The following FAM107A variants were observed in gnomAD, a reference collection of about 807,000 sequenced individuals.
The protein encoded by FAM107A is actin-associated protein FAM107A.
A neutral mutation model predicts 13.7 loss-of-function variants in FAM107A; 19 were observed. The ratio of observed to expected loss-of-function variants is 1.38; its 90% CI spans 0.97 to 2.03. The LOEUF (loss-of-function observed/expected upper bound fraction) is 2.03, where lower values mean the gene tolerates loss of function less well. FAM107A is among the 30% of genes most tolerant of loss of function. The pLI, the probability that FAM107A is intolerant of heterozygous loss-of-function variation, is 0.00. For synonymous variants in FAM107A, 82 were observed against 74.5 expected (o/e 1.10, Z -0.52); for missense variants, 203 against 184.4 (o/e 1.10, Z -0.58).
At chr3:58,602,550 T>C (rs866008921) in intron 1 of FAM107A, among the ~76,000 whole-genome samples, 5 of 152,238 alleles carry the variant, frequency 3.3e-5, no homozygotes, top group South Asian at 2.1e-4. Flanking sequence ...ATCGGCAATA[T>C]GGTAAACGTC....
exon 1 of FAM107A, chr3:58,587,081 G>T: frequency 7.3e-7 from 1 of 1,364,196 alleles, no homozygotes; most frequent in Non-Finnish European, 9.4e-7. Flanking sequence ...GGCGGCGGCC[G>T]GAGGGGCGGG....
At chr3:58,608,777 T>C (rs896135566) in intron 1 of FAM107A, 2 of 152,272 alleles carry the variant, frequency 1.3e-5, no homozygotes, top group African/African-American at 4.8e-5. Flanking sequence ...CCAGATCCCA[T>C]TACGCCAGGC....
rs1044262294 is a variant in FAM107A, at chr3:58,617,924, C to T, written c.-70+9492G>A. Among the ~76,000 whole-genome samples the T allele has an allele frequency of 6.6e-6, 1 of 152,174 alleles. No individual in the cohort carries two copies. Among genetic ancestry groups the T allele is most frequent in the Non-Finnish European group, 1.5e-5 (1 of 68,024 alleles). Reference sequence around the variant, plus strand: ...TCCATGAGAACGTGGGCTGTGGAGCCAGAAGTATCCAAGTTCAAGTCCCAG... The same window carrying T: ...TCCATGAGAACGTGGGCTGTGGAGCTAGAAGTATCCAAGTTCAAGTCCCAG... On this transcript the variant is annotated intron_variant, in intron 1 of 3. Coordinates refer to the FAM107A transcript ENST00000465970. This position sits in a 1 kb window ranked among gnomAD's most constrained non-coding sequence, Gnocchi z 4.5.
At chr3:58,615,088 G>A (rs1353452491) in intron 1 of FAM107A, among the ~76,000 whole-genome samples, 1 of 152,210 alleles carries the variant, frequency 6.6e-6, no homozygotes, top group African/African-American at 2.4e-5. Flanking sequence ...TTACAGGCGT[G>A]AGCCACCACG....
At chr3:58,599,904 G>T (rs2065739720) in intron 1 of FAM107A, among the ~76,000 whole-genome samples, 1 of 151,388 alleles carries the variant, frequency 6.6e-6, no homozygotes, top group South Asian at 2.1e-4. Context: ...TCAAACTAGT[G>T]ACCTCCAGTG....
chr3:58,575,838 A>C (rs1019926506), intron 1 of FAM107A, among the ~76,000 whole-genome samples: 39 of 152,322 alleles, frequency 2.6e-4, no homozygotes, highest in African/African-American at 9.1e-4. Flanking sequence ...GTCTGGCCTC[A>C]GGCTGGTCTC....
chr3:58,587,474 AGTGTGTGTGT>A (rs376881213), upstream of FAM107A, among the ~76,000 whole-genome samples: 1,624 of 145,552 alleles, frequency 0.011, 17 homozygotes, highest in African/African-American at 0.027. Context: ...ATCAGCTTAG[AGTGTGTGTGT>A]GTGTGTGTGT....
chr3:58,597,979 C>G (rs141811224), intron 1 of FAM107A, among the ~76,000 whole-genome samples: 5 of 152,240 alleles, frequency 3.3e-5, no homozygotes, highest in African/African-American at 9.6e-5. Flanking sequence ...GTTAAGGAAC[C>G]CTTCTCCCTG....
At chr3:58,590,998 G>C (rs1012645880), upstream of FAM107A, among the ~76,000 whole-genome samples, 2 of 152,208 alleles carry the variant, frequency 1.3e-5, no homozygotes, top group Admixed American at 6.5e-5. Flanking sequence ...GGCCTCTGCA[G>C]CCTGGCTTCT....
Position 58,567,257 on chromosome 3 carries a change from T to A in FAM107A, c.278A>T (p.Gln93Leu). The A allele has an allele frequency of 6.2e-7, 1 of 1,614,168 alleles. No individual in the cohort carries two copies. Among genetic ancestry groups the A allele is most frequent in the East Asian group, 2.2e-5 (1 of 44,890 alleles). The change falls in exon 3 of 4, where the codon CAG (glutamine) becomes CTG (leucine). Residue 93 changes from glutamine (Q) to leucine (L), a missense_variant. Gln to Leu is a moderately radical substitution (Grantham distance 113). Transcript: ENST00000360997. ...KKEELEAKRLQCPFEQELLRR... is the reference protein window; with the variant it reads ...KKEELEAKRLLCPFEQELLRR... ...CAGCAGCTCCTGCTCAAAGGGGCAC[T>A]GCAGCCGCTTGGCTTCCAGCTCCTC... is the stretch of plus-strand genomic sequence containing the variant.
intron 1 of FAM107A, among the ~76,000 whole-genome samples, chr3:58,603,649 C>G (rs567553097): frequency 2.6e-4 from 39 of 152,254 alleles, no homozygotes; most frequent in African/African-American, 9.4e-4. Context: ...ACCTCCATAT[C>G]TGTTGGTCAT....
intron 1 of FAM107A, chr3:58,609,219 G>A (rs1272066009): frequency 1.3e-5 from 2 of 152,118 alleles, no homozygotes; most frequent in Non-Finnish European, 2.9e-5. Context: ...TGTGGTCTTG[G>A]GCAAATGGCG....
exon 1 of FAM107A, chr3:58,587,050 C>A (rs937000217): frequency 1.2e-5 from 16 of 1,371,838 alleles, no homozygotes; most frequent in Non-Finnish European, 1.4e-5. Flanking sequence ...AAGTCCCAAA[C>A]CCCGCTGAGG....
chr3:58,608,215 G>A (rs968519733), intron 1 of FAM107A, among the ~76,000 whole-genome samples: 20 of 152,144 alleles, frequency 1.3e-4, no homozygotes, highest in Non-Finnish European at 2.8e-4. Flanking sequence ...CTAACATGGG[G>A]CCTGGCACAG....
chr3:58,602,160 G>C (rs2065758006), intron 1 of FAM107A, among the ~76,000 whole-genome samples: 3 of 152,160 alleles, frequency 2.0e-5, no homozygotes, highest in Admixed American at 2.0e-4. Context: ...CCAATGACTG[G>C]ACAAGGGCAG....
upstream of FAM107A, among the ~76,000 whole-genome samples, chr3:58,578,679 A>G (rs1193218839): frequency 6.6e-6 from 1 of 152,262 alleles, no homozygotes; most frequent in African/African-American, 2.4e-5. Context: ...TCCTAATTTC[A>G]GAATCAGCTT....
chr3:58,578,385 T>C (rs1001115409), upstream of FAM107A, among the ~76,000 whole-genome samples: 7 of 152,032 alleles, frequency 4.6e-5, no homozygotes, highest in Non-Finnish European at 1.0e-4. Context: ...CTGGCCAACA[T>C]GGTAAAACCC....
In FAM107A at chr3:58,604,781, C is replaced by T. The variant is rs1341207879; in HGVS notation, c.-69-15512G>A. On this transcript the variant is annotated intron_variant, in intron 1 of 3. Transcript: ENST00000465970. The surrounding 1 kb of genome is among the most constrained non-coding windows in gnomAD (Gnocchi z 4.1). Reference sequence around the variant, plus strand: ...CTACTAACTCTGACCTCCAGACCATCTTGGAGTTAGTTTCTATTGGCTGCT... The same window carrying T: ...CTACTAACTCTGACCTCCAGACCATTTTGGAGTTAGTTTCTATTGGCTGCT... 6.6e-6 allele frequency among the ~76,000 whole-genome samples: 1 copy of T among 152,188 alleles called. No homozygotes were observed. The highest frequency in any genetic ancestry group is 1.5e-5 in the Non-Finnish European group (1 of 68,040).
intron 1 of FAM107A, among the ~76,000 whole-genome samples, chr3:58,606,402 G>A (rs1018327397): frequency 6.6e-6 from 1 of 152,174 alleles, no homozygotes; most frequent in Non-Finnish European, 1.5e-5. Context: ...GGCCTATGCA[G>A]ACATCTCTTA....
Sources: gnomAD v4.1 joint callset for allele counts (sites outside exome capture counted in the v4.1 genomes callset) on GRCh38, gnomAD v4.1.1 for gene constraint, Gnocchi (gnomAD v3.1) non-coding constraint, MANE v1.5 for transcripts, NCBI Gene and HGNC (gene_info 2026-07-23, HGNC 2026-07-21) for gene names.